FAM186B: variants seen among roughly 807,000 people sequenced by gnomAD.
The protein encoded by FAM186B is protein FAM186B.
In FAM186B, 68 loss-of-function variants were observed where a neutral mutation model predicts 83.4. The observed-to-expected ratio is 0.81, with a 90% CI of 0.67 to 1.00. The LOEUF (loss-of-function observed/expected upper bound fraction) is 1.00, where lower values mean the gene tolerates loss of function less well. Among genes scored for constraint, FAM186B ranks in the 50% least tolerant of loss-of-function variants. The probability of loss-of-function intolerance (pLI) is 0.00; values close to 1 mark genes in which losing one functional copy is unlikely to be tolerated. For synonymous variants in FAM186B, 389 were observed against 422.0 expected, an observed-to-expected ratio of 0.92 and a Z score of 0.96; for missense variants, 983 against 1,099.2, an observed-to-expected ratio of 0.89 and a Z score of 1.49.
chr12:49,599,869 T>G lies in FAM186B; in HGVS notation c.1771A>C (p.Arg591=). ...CTAGGAGACATGGGCAAGTGTGGCC[T>G]CCTGCTTTGGTGAGCAGATTGGGTC... ...SRTQSAHQSR[R]PHLPMSPSTQ... Residue 591 remains arginine (R), a synonymous_variant, in exon 4 of 7, where the codon AGG becomes CGG. Coordinates refer to ENST00000257894, the MANE Select transcript of FAM186B (RefSeq NM_032130.3). 3.1e-6 allele frequency: 5 copies of G among 1,608,616 alleles called. No homozygotes were observed. The highest frequency in any genetic ancestry group is 1.7e-4 in the Middle Eastern group (1 of 6,030).
chr12:49,592,269 C>T (rs182304903), intron 5 of FAM186B, among the ~76,000 whole-genome samples: 23 of 151,974 alleles, frequency 1.5e-4, no homozygotes, highest in Non-Finnish European at 2.1e-4. Flanking sequence ...ATCAGGAGTT[C>T]GAGACCAGCC....
chr12:49,596,557 A>G (rs1246967566), intron 5 of FAM186B, among the ~76,000 whole-genome samples: 1 of 152,172 alleles, frequency 6.6e-6, no homozygotes, highest in East Asian at 1.9e-4. Context: ...CATCAGGGAA[A>G]TGCAAATCAA....
intron 5 of FAM186B, among the ~76,000 whole-genome samples, chr12:49,598,510 A>ATC (rs995034602): frequency 1.3e-5 from 2 of 151,900 alleles, no homozygotes; most frequent in African/African-American, 4.8e-5. Context: ...TTGAAGAGAC[A>ATC]TCTCTCTCTC....
In FAM186B at chr12:49,598,857, G is replaced by C. The variant is rs771033238; in HGVS notation, c.2262C>G (p.Asp754Glu). 1 of 1,613,334 alleles carries C rather than the reference G, an allele frequency of 6.2e-7. No individual in the cohort carries two copies. The highest frequency in any genetic ancestry group is 8.5e-7 in the Non-Finnish European group (1 of 1,179,866). The change falls in exon 5 of 7, where the codon GAC becomes GAG. Residue 754 changes from aspartate (D) to glutamate (E), a missense_variant. By Grantham distance (45) the Asp-to-Glu change is conservative (BLOSUM62 2). Coordinates refer to ENST00000257894, the MANE Select transcript of FAM186B (RefSeq NM_032130.3). The part of the protein sequence containing the change: ...QNLYIFLENI[D>E]RLQSLRLQAW... ...CCTGCAGCCTGAGACTCTGCAGGCG[G>C]TCAATGTTTTCCAGGAAGATGTAGA... is the stretch of plus-strand genomic sequence containing the variant.
At chr12:49,587,103 A>T (rs1271587772), downstream of FAM186B, among the ~76,000 whole-genome samples, 1 of 152,178 alleles carries the variant, frequency 6.6e-6, no homozygotes, top group African/African-American at 2.4e-5. Flanking sequence ...TAAGACTTCT[A>T]ACCAGAAAAG....
chr12:49,597,373 C>T (rs766451101), intron 5 of FAM186B, among the ~76,000 whole-genome samples: 4 of 150,012 alleles, frequency 2.7e-5, no homozygotes, highest in African/African-American at 7.4e-5. Context: ...GGAAAAATAT[C>T]GCATGATCTC....
At chr12:49,594,789 C>T (rs1187495315) in intron 5 of FAM186B, among the ~76,000 whole-genome samples, 1 of 151,904 alleles carries the variant, frequency 6.6e-6, no homozygotes, top group African/African-American at 2.4e-5. Flanking sequence ...GCAAGAGAAT[C>T]GCCTGAACCC....
chr12:49,616,053 G>A, the FAM186B span, among the ~76,000 whole-genome samples: 1 of 148,122 alleles, frequency 6.8e-6, no homozygotes, highest in Non-Finnish European at 1.5e-5. Flanking sequence ...TTTTTGAGAT[G>A]GAGTCTTGCT....
chr12:49,618,198 A>C, the FAM186B span, among the ~76,000 whole-genome samples: 1 of 152,134 alleles, frequency 6.6e-6, no homozygotes, highest in African/African-American at 2.4e-5. Flanking sequence ...TACAAAAATT[A>C]GCCGGGCGTG....
At chr12:49,589,919 T>C (rs1276978800) in intron 5 of FAM186B, among the ~76,000 whole-genome samples, 1 of 140,476 alleles carries the variant, frequency 7.1e-6, no homozygotes, top group African/African-American at 2.7e-5. Flanking sequence ...AGGCAGAAGT[T>C]GCAGTGAGCC....
chr12:49,620,390 C>T, the FAM186B span, among the ~76,000 whole-genome samples: 1 of 152,128 alleles, frequency 6.6e-6, no homozygotes, highest in Non-Finnish European at 1.5e-5. Context: ...TGCATGGAGG[C>T]TGGGCGCGGT....
At chr12:49,584,485 G>C (rs1444206624), downstream of FAM186B, 2 of 702,248 alleles carry the variant, frequency 2.8e-6, no homozygotes, top group Non-Finnish European at 5.2e-6. Context: ...GGATGCAGTG[G>C]AGACTGGGGC....
At chr12:49,585,655 A>G (rs1939426194), downstream of FAM186B, among the ~76,000 whole-genome samples, 1 of 152,198 alleles carries the variant, frequency 6.6e-6, no homozygotes, top group Admixed American at 6.5e-5. Context: ...GACCAGGAGA[A>G]TGGGACATGA....
chr12:49,603,295 T>G lies in FAM186B; in HGVS notation c.395A>C (p.Glu132Ala). 1 of 1,614,170 alleles carries G rather than the reference T, an allele frequency of 6.2e-7. No individual in the cohort carries two copies. Among genetic ancestry groups the G allele is most frequent in the Non-Finnish European group, 8.5e-7 (1 of 1,180,036 alleles). The part of the protein sequence containing the change: ...EEAAALDEWI[E>A]VTEKVLPLSL... ...CAGCGGTAACACTTTCTCCGTCACT[T>G]CAATCCATTCGTCCAGAGCTGCTGC... Residue 132 changes from glutamate to alanine, a missense_variant, in exon 3 of 7, where the codon GAA becomes GCA. Transcript: ENST00000257894.
intron 1 of FAM186B, 76 bp downstream of exon 1, chr12:49,605,302 TCTCA>T (rs764010534): frequency 2.3e-4 from 363 of 1,556,244 alleles, no homozygotes; most frequent in Non-Finnish European, 2.9e-4. Context: ...AGAGCTGGAA[TCTCA>T]CTCAAACCTG....
At chr12:49,615,186 C>T in the FAM186B span, among the ~76,000 whole-genome samples, 1 of 151,696 alleles carries the variant, frequency 6.6e-6, no homozygotes, top group East Asian at 1.9e-4. Context: ...GTGATGGGTA[C>T]ACTTAAATCT....
chr12:49,603,405 T>C (rs1246916857), intron 2 of FAM186B, 38 bp from the exon 3 acceptor site: 1 of 1,609,006 alleles, frequency 6.2e-7, no homozygotes, highest in Non-Finnish European at 8.5e-7. Context: ...GAGAGCAGTC[T>C]GTCCTCCAGG....
chr12:49,610,726 C>CT, the FAM186B span, among the ~76,000 whole-genome samples: 3 of 149,760 alleles, frequency 2.0e-5, no homozygotes, highest in African/African-American at 7.4e-5. Flanking sequence ...GGAGGCAGAG[C>CT]TTGCAGTGAG....
chr12:49,619,547 G>T, the FAM186B span: 2 of 701,142 alleles, frequency 2.9e-6, no homozygotes, highest in Non-Finnish European at 5.3e-6. Context: ...CTTTGTTGAA[G>T]GAGCAATGAC....
Sources: gnomAD v4.1 joint callset for allele counts (sites outside exome capture counted in the v4.1 genomes callset) on GRCh38, gnomAD v4.1.1 for gene constraint, MANE v1.5 for transcripts, NCBI Gene and HGNC (gene_info 2026-07-23, HGNC 2026-07-21) for gene names.